TBC1D5: variants seen among roughly 807,000 people sequenced by gnomAD.
The protein encoded by TBC1D5 is TBC1 domain family, member 5.
In TBC1D5, 75 loss-of-function variants were observed where a neutral mutation model predicts 100.3. The observed-to-expected ratio is 0.75, with a 90% CI of 0.62 to 0.91. TBC1D5 has a LOEUF of 0.91. Among genes scored for constraint, TBC1D5 ranks in the 40% least tolerant of loss-of-function variants. The pLI, the probability that TBC1D5 is intolerant of heterozygous loss-of-function variation, is 0.00. For missense variants in TBC1D5, 910 were observed against 942.4 expected, an observed-to-expected ratio of 0.97 and a Z score of 0.45; for synonymous variants, 323 against 325.6, an observed-to-expected ratio of 0.99 and a Z score of 0.09.
chr3:17,188,082 T>C (rs1015712464), intron 18 of TBC1D5, among the ~76,000 whole-genome samples: 1 of 152,154 alleles, frequency 6.6e-6, no homozygotes, highest in South Asian at 2.1e-4. Context: ...CAGTGAGGTG[T>C]TGAACAGCTG....
At chr3:17,324,774 T>A (rs1357496082) in intron 13 of TBC1D5, among the ~76,000 whole-genome samples, 1 of 152,108 alleles carries the variant, frequency 6.6e-6, no homozygotes, top group Admixed American at 6.5e-5. Flanking sequence ...GCCCCCATTT[T>A]AAAAAATGGA....
chr3:17,185,233 G>C, intron 18 of TBC1D5, 25 bp from the exon 20 acceptor site: 3 of 1,593,832 alleles, frequency 1.9e-6, no homozygotes, highest in South Asian at 1.1e-5. Context: ...TAAACATATG[G>C]AAATTTTTTA....
At chr3:17,688,109 T>C (rs1352641247) in intron 1 of TBC1D5, among the ~76,000 whole-genome samples, 1 of 152,190 alleles carries the variant, frequency 6.6e-6, no homozygotes, top group Non-Finnish European at 1.5e-5. Context: ...TCACTAAATA[T>C]CACTTTGAAG....
Position 17,325,576 on chromosome 3 carries a change from C to T in TBC1D5, c.996-17442G>A, listed in dbSNP as rs542279176. On this transcript the variant is annotated intron_variant, in intron 13 of 21. Coordinates refer to ENST00000253692, the Ensembl canonical transcript of TBC1D5. The stretch of plus-strand genomic sequence containing the variant: ...CAACCTTATGATCCACCTGCCTTGG[C>T]CTCCCAAAGTGCTGGGATTACAGGC... 1.9e-4 allele frequency among the ~76,000 whole-genome samples: 29 copies of T among 152,244 alleles called. No homozygotes were observed. In the South Asian group the frequency reaches 6.0e-3, roughly 32 times the overall value.
chr3:17,283,534 G>A (rs999678057), intron 15 of TBC1D5, among the ~76,000 whole-genome samples: 4 of 152,002 alleles, frequency 2.6e-5, no homozygotes, highest in Non-Finnish European at 1.5e-5. Flanking sequence ...CAGAGTCGTG[G>A]CCACAGTATT....
chr3:17,646,369 T>A (rs1430505618), intron 1 of TBC1D5, among the ~76,000 whole-genome samples: 1 of 152,100 alleles, frequency 6.6e-6, no homozygotes, highest in African/African-American at 2.4e-5. Flanking sequence ...AGTTTTTGGT[T>A]CTTTGTTATG....
intron 2 of TBC1D5, among the ~76,000 whole-genome samples, chr3:17,576,052 C>T (rs571488791): frequency 5.9e-5 from 9 of 152,136 alleles, no homozygotes; most frequent in South Asian, 2.1e-4. Flanking sequence ...AAGAATAGAA[C>T]TCTTTATTTT....
intron 3 of TBC1D5, among the ~76,000 whole-genome samples, chr3:17,452,667 A>C (rs1221911729): frequency 6.6e-6 from 1 of 152,180 alleles, no homozygotes; most frequent in Non-Finnish European, 1.5e-5. Flanking sequence ...ATATAAAGCA[A>C]ATATTATTAA....
chr3:17,295,334 T>G (rs9866815), intron 14 of TBC1D5, among the ~76,000 whole-genome samples: 1,765 of 152,314 alleles, frequency 0.012, 33 homozygotes, highest in African/African-American at 0.04. Context: ...CAATCCTGCT[T>G]ACTCTATCTA....
chr3:17,455,730 T>C (rs1416651315), intron 3 of TBC1D5, among the ~76,000 whole-genome samples: 1 of 151,944 alleles, frequency 6.6e-6, no homozygotes, highest in Non-Finnish European at 1.5e-5. Context: ...GTCCAGTTAC[T>C]TGGGAGGCTG....
chr3:17,335,935 G>A (rs553166199), intron 13 of TBC1D5, among the ~76,000 whole-genome samples: 5 of 152,126 alleles, frequency 3.3e-5, no homozygotes, highest in Admixed American at 2.0e-4. Flanking sequence ...TTCTTTCCTT[G>A]TTTTCTATGA....
intron 3 of TBC1D5, among the ~76,000 whole-genome samples, chr3:17,485,301 T>C (rs1308053541): frequency 6.7e-6 from 1 of 149,710 alleles, no homozygotes; most frequent in Admixed American, 6.6e-5. Context: ...TTATTTTATT[T>C]TATTTTTTTT....
At chr3:17,370,618 A>G (rs2092403147) in intron 13 of TBC1D5, among the ~76,000 whole-genome samples, 1 of 152,216 alleles carries the variant, frequency 6.6e-6, no homozygotes, top group Non-Finnish European at 1.5e-5. Context: ...AAAGGAAAAC[A>G]TGCAGCGTTA....
At chr3:17,236,853 A>T (rs1039394261) in intron 17 of TBC1D5, among the ~76,000 whole-genome samples, 1 of 152,200 alleles carries the variant, frequency 6.6e-6, no homozygotes, top group Non-Finnish European at 1.5e-5. Flanking sequence ...AGTATTTTAC[A>T]TAGGCAAATA....
chr3:17,419,459 C>G (rs2094157507), intron 4 of TBC1D5, among the ~76,000 whole-genome samples: 1 of 152,152 alleles, frequency 6.6e-6, no homozygotes, highest in Admixed American at 6.5e-5. Context: ...TGGAGAATCT[C>G]TGTGTTTTTG....
At chr3:17,244,583 T>C (rs2076568284) in intron 16 of TBC1D5, among the ~76,000 whole-genome samples, 1 of 152,194 alleles carries the variant, frequency 6.6e-6, no homozygotes, top group South Asian at 2.1e-4. Context: ...GTTCTATCTA[T>C]ACTTTTTACT....
chr3:17,287,473 G>T (rs1307680575), intron 15 of TBC1D5, among the ~76,000 whole-genome samples: 2 of 152,174 alleles, frequency 1.3e-5, no homozygotes. Flanking sequence ...TCCGAGGAGG[G>T]AATGAATAGA....
chr3:17,566,491 A>C (rs1253359583), intron 2 of TBC1D5, among the ~76,000 whole-genome samples: 1 of 151,968 alleles, frequency 6.6e-6, no homozygotes, highest in African/African-American at 2.4e-5. Flanking sequence ...GAAATTAATA[A>C]AAGTAGGCCC....
intron 1 of TBC1D5, among the ~76,000 whole-genome samples, chr3:17,727,105 G>A (rs546537973): frequency 1.5e-4 from 23 of 152,212 alleles, no homozygotes; most frequent in African/African-American, 5.1e-4. Flanking sequence ...AAAATTGGCC[G>A]GACACAGTGG....
Sources: allele counts gnomAD v4.1 joint callset (sites outside exome capture counted in the v4.1 genomes callset), GRCh38; gene constraint gnomAD v4.1.1; transcripts MANE v1.5; gene names NCBI Gene and HGNC (gene_info 2026-07-23, HGNC 2026-07-21).